The following MTMR2 variants were observed in gnomAD, a reference collection of about 807,000 sequenced individuals.
MTMR2 encodes myotubularin related protein 2.
MTMR2 carries 55 observed loss-of-function variants against 86.9 expected under a neutral mutation model. The ratio of observed to expected loss-of-function variants is 0.63; its 90% CI spans 0.51 to 0.79. MTMR2 has a LOEUF of 0.79. Ranked by LOEUF, MTMR2 falls within the 30% of genes least tolerant of loss-of-function variation. The pLI is 0.00. For synonymous variants in MTMR2, 241 were observed against 266.8 expected, an observed-to-expected ratio of 0.90 and a Z score of 0.94; for missense variants, 659 against 772.3, an observed-to-expected ratio of 0.85 and a Z score of 1.74.
chr11:95,875,655 T>C (rs1034643852), intron 2 of MTMR2, among the ~76,000 whole-genome samples: 6 of 152,250 alleles, frequency 3.9e-5, no homozygotes, highest in Non-Finnish European at 5.9e-5. Context: ...TGCGTTCCTC[T>C]GGAGGAGGAG....
intron 10 of MTMR2, among the ~76,000 whole-genome samples, 192 bp downstream of exon 10, chr11:95,847,522 C>T (rs1385912577): frequency 2.6e-5 from 4 of 152,090 alleles, no homozygotes; most frequent in Admixed American, 2.0e-4. Context: ...TACAACATAA[C>T]CAAATGCACA....
At chr11:95,921,766 T>C (rs920698543) in intron 1 of MTMR2, among the ~76,000 whole-genome samples, 4 of 152,188 alleles carry the variant, frequency 2.6e-5, no homozygotes, top group African/African-American at 4.8e-5. Context: ...TTATGGAAAA[T>C]AGGAATCATA....
chr11:95,842,646 G>T (rs535895004), intron 11 of MTMR2, among the ~76,000 whole-genome samples: 1 of 152,318 alleles, frequency 6.6e-6, no homozygotes, highest in East Asian at 1.9e-4. Flanking sequence ...TCCAAGGGCT[G>T]TGAGGTCAAA....
At chr11:95,870,640 C>G (rs1454738704) in intron 2 of MTMR2, among the ~76,000 whole-genome samples, 2 of 148,584 alleles carry the variant, frequency 1.3e-5, no homozygotes, top group Admixed American at 1.3e-4. Flanking sequence ...AAAGCAGATT[C>G]AATGAATAAA....
chr11:95,862,077 G>C lies in MTMR2; in HGVS notation c.383C>G (p.Ser128Cys), dbSNP rs1864441700. The C allele has an allele frequency of 6.2e-7, 1 of 1,613,716 alleles. No individual in the cohort carries two copies. Among genetic ancestry groups the C allele is most frequent in the Admixed American group, 1.7e-5 (1 of 59,992 alleles). The stretch of plus-strand genomic sequence containing the variant: ...TTCTACTCTATTTATCACACCAAGG[G>C]AAGCATCTAAAACAAATGGGGGATC... Reference protein sequence around the residue: ...ERDPPFVLDASLGVINRVEKI... With the variant: ...ERDPPFVLDACLGVINRVEKI... Residue 128 changes from serine (S) to cysteine (C), a missense_variant, in exon 5 of 15, where the codon TCC becomes TGC. Ser to Cys is a moderately radical substitution (Grantham distance 112, BLOSUM62 -1). Coordinates refer to ENST00000346299, the MANE Select transcript of MTMR2 (RefSeq NM_016156.6).
At chr11:95,890,469 T>C (rs1382200842) in intron 1 of MTMR2, among the ~76,000 whole-genome samples, 1 of 152,144 alleles carries the variant, frequency 6.6e-6, no homozygotes, top group African/African-American at 2.4e-5. Flanking sequence ...GCCACGTGAG[T>C]CAATTCCAGT....
At chr11:95,858,166 AGG>A in intron 6 of MTMR2, among the ~76,000 whole-genome samples, 1 of 152,172 alleles carries the variant, frequency 6.6e-6, no homozygotes. Context: ...GTGGGAACTC[AGG>A]GTTTGCCTAC....
intron 1 of MTMR2, 147 bp downstream of exon 1, chr11:95,923,728 G>A (rs1867019730): frequency 2.1e-6 from 3 of 1,463,006 alleles, no homozygotes; most frequent in East Asian, 5.0e-5. Context: ...AGGGAGGGAG[G>A]CAGAAGTGGT....
chr11:95,874,781 G>C (rs935002862), intron 2 of MTMR2, among the ~76,000 whole-genome samples: 2 of 152,178 alleles, frequency 1.3e-5, no homozygotes, highest in Non-Finnish European at 2.9e-5. Flanking sequence ...CGCTTGTAGG[G>C]CAGGCCTGGC....
At chr11:95,848,970 A>T (rs900551207) in intron 9 of MTMR2, among the ~76,000 whole-genome samples, 16 of 152,212 alleles carry the variant, frequency 1.1e-4, no homozygotes, top group African/African-American at 3.9e-4. Context: ...ACCGAAACAC[A>T]TAGAATAAAA....
intron 9 of MTMR2, 135 bp downstream of exon 9, chr11:95,849,539 A>G: frequency 3.7e-6 from 3 of 802,404 alleles, no homozygotes; most frequent in Admixed American, 2.0e-5. Context: ...AAATCACACC[A>G]TCAAGTTGAA....
At chr11:95,845,381 G>A (rs1024041662) in intron 10 of MTMR2, among the ~76,000 whole-genome samples, 11 of 152,050 alleles carry the variant, frequency 7.2e-5, no homozygotes, top group East Asian at 1.9e-4. Flanking sequence ...TTTGCCCAAC[G>A]AAATAGCCAA....
intron 10 of MTMR2, 91 bp from the exon 11 acceptor site, chr11:95,845,250 A>T (rs1390588735): frequency 2.8e-6 from 3 of 1,069,800 alleles, no homozygotes; most frequent in Non-Finnish European, 4.2e-6. Context: ...AGGGATCATT[A>T]TTTCAATAAC....
chr11:95,912,071 A>C (rs1368187419), intron 1 of MTMR2, among the ~76,000 whole-genome samples: 1 of 137,058 alleles, frequency 7.3e-6, no homozygotes, highest in Non-Finnish European at 1.6e-5. Context: ...CATATAAATG[A>C]AGTTAACACA....
At chr11:95,868,307 A>G (rs1275201617) in intron 2 of MTMR2, among the ~76,000 whole-genome samples, 1 of 145,458 alleles carries the variant, frequency 6.9e-6, no homozygotes, top group Admixed American at 6.9e-5. Flanking sequence ...AAAAAGAAAG[A>G]AAAAGAAAAA....
rs530514285 is a variant in MTMR2, at chr11:95,879,287, TATAAG to T, written c.186+8864_186+8868del. The stretch of plus-strand genomic sequence containing the variant: ...AAGAAAACTTTAGCATTACCCCACT[TATAAG>T]AGAAGGAACAGCAAAGTACACATAG... On this transcript the variant is annotated intron_variant, in intron 2 of 14. Transcript: ENST00000346299. Among the ~76,000 whole-genome samples, 113 of 152,100 alleles carry T rather than the reference TATAAG, an allele frequency of 7.4e-4. 1 individual carries two copies. The highest frequency in any genetic ancestry group is 2.6e-3 in the African/African-American group (108 of 41,506).
intron 2 of MTMR2, among the ~76,000 whole-genome samples, chr11:95,878,198 C>T (rs977093822): frequency 3.4e-5 from 5 of 145,014 alleles, no homozygotes; most frequent in Middle Eastern, 3.4e-3. Context: ...CTGAAAAGAC[C>T]GCACACTAGA....
At chr11:95,870,748 TA>T (rs1565364237) in intron 2 of MTMR2, among the ~76,000 whole-genome samples, 5 of 151,080 alleles carry the variant, frequency 3.3e-5, no homozygotes, top group African/African-American at 7.3e-5. Flanking sequence ...TTTTTTTTTT[TA>T]TTATACTTTA....
intron 8 of MTMR2, among the ~76,000 whole-genome samples, chr11:95,850,385 G>C (rs1036181135): frequency 6.6e-6 from 1 of 152,070 alleles, no homozygotes; most frequent in Non-Finnish European, 1.5e-5. Context: ...ATGCAATTCT[G>C]TGCAGTTATC....
Sources: allele counts gnomAD v4.1 joint callset (sites outside exome capture counted in the v4.1 genomes callset), GRCh38; gene constraint gnomAD v4.1.1; transcripts MANE v1.5; gene names NCBI Gene and HGNC (gene_info 2026-07-23, HGNC 2026-07-21).